The following GARNL3 variants were observed in gnomAD, a reference collection of about 807,000 sequenced individuals.
The protein encoded by GARNL3 is GTPase-activating Rap/Ran-GAP domain-like protein 3.
In GARNL3, 63 loss-of-function variants were observed where a neutral mutation model predicts 125.0. That is an observed-to-expected ratio of 0.50 (90% CI 0.41 to 0.62). The LOEUF (loss-of-function observed/expected upper bound fraction) is 0.62. Among genes scored for constraint, GARNL3 ranks in the 20% least tolerant of loss-of-function variants. GARNL3 has a pLI of 0.00. For missense variants in GARNL3, 994 were observed against 1,244.0 expected, an observed-to-expected ratio of 0.80 and a Z score of 3.02; for synonymous variants, 439 against 457.5, an observed-to-expected ratio of 0.96 and a Z score of 0.52.
chr9:127,382,126 C>G (rs1832295202), intron 22 of GARNL3, among the ~76,000 whole-genome samples: 1 of 151,806 alleles, frequency 6.6e-6, no homozygotes. Context: ...ATGGAGAAAC[C>G]CCACCTCTAC....
chr9:127,289,095 A>C (rs759715461), intron 1 of GARNL3, among the ~76,000 whole-genome samples: 2 of 152,218 alleles, frequency 1.3e-5, no homozygotes, highest in Non-Finnish European at 2.9e-5. Context: ...GTGAGTAGAA[A>C]CCCACAAAGA....
intron 13 of GARNL3, among the ~76,000 whole-genome samples, chr9:127,341,148 C>G (rs989287405): frequency 6.6e-6 from 1 of 152,222 alleles, no homozygotes; most frequent in African/African-American, 2.4e-5. Flanking sequence ...TACCAGGGTC[C>G]ATGGGTGATG....
intron 2 of GARNL3, among the ~76,000 whole-genome samples, chr9:127,303,101 A>G (rs2064849262): frequency 6.6e-6 from 1 of 152,196 alleles, no homozygotes; most frequent in Non-Finnish European, 1.5e-5. Flanking sequence ...CAGTGAGCCA[A>G]GATGGCACCA....
In GARNL3 at chr9:127,313,522, G is replaced by A; in HGVS notation, c.401G>A (p.Arg134His). Residue 134 changes from arginine (R) to histidine (H), a missense_variant, in exon 4 of 28, where the codon CGT (arginine) becomes CAT (histidine). Arg to His is a conservative substitution (Grantham distance 29). Around this residue, in one of 5 missense-constraint regions of GARNL3, gnomAD observed 139 missense variants for 231.6 expected, o/e 0.60. Coordinates refer to ENST00000373387, the MANE Select transcript of GARNL3 (RefSeq NM_032293.5). ...SVTLSDQNNQ[R>H]VPQYRAILWR... ...ACCCTTTCTGACCAAAACAATCAAC[G>A]TGTCCCTCAATACCGTGCAATTCTT... 5 of 1,613,902 alleles carry A rather than the reference G, an allele frequency of 3.1e-6. No homozygotes were observed. Among genetic ancestry groups the A allele is most frequent in the Non-Finnish European group, 4.2e-6 (5 of 1,179,838 alleles).
intron 1 of GARNL3, among the ~76,000 whole-genome samples, chr9:127,269,458 G>A (rs2063770565): frequency 6.6e-6 from 1 of 152,216 alleles, no homozygotes; most frequent in Admixed American, 6.5e-5. Flanking sequence ...CGGATCATAA[G>A]GTGATTCTGT....
chr9:127,389,639 C>T (rs371295367), intron 26 of GARNL3, among the ~76,000 whole-genome samples: 1 of 152,234 alleles, frequency 6.6e-6, no homozygotes, highest in South Asian at 2.1e-4. Context: ...CTCAGTATAA[C>T]TATGGGACTG....
chr9:127,287,752 G>C (rs2064293456), intron 1 of GARNL3, among the ~76,000 whole-genome samples: 1 of 152,238 alleles, frequency 6.6e-6, no homozygotes, highest in Non-Finnish European at 1.5e-5. Flanking sequence ...GTGTGAACCT[G>C]CATGGTTTGA....
chr9:127,330,784 G>C (rs1829188293), intron 7 of GARNL3, among the ~76,000 whole-genome samples: 2 of 152,196 alleles, frequency 1.3e-5, no homozygotes, highest in South Asian at 4.1e-4. Context: ...GTCATCCCCG[G>C]AACTGTGGAA....
chr9:127,258,106 C>T (rs890371505), intron 2 of GARNL3, among the ~76,000 whole-genome samples: 47 of 152,016 alleles, frequency 3.1e-4, no homozygotes, highest in African/African-American at 1.1e-3. Context: ...AGTATCTAAC[C>T]ACTTTATGGT....
At chr9:127,344,162 G>T (rs1564160722) in intron 14 of GARNL3, 73 bp from the exon 15 acceptor site, 15 of 972,868 alleles carry the variant, frequency 1.5e-5, no homozygotes, top group Non-Finnish European at 1.3e-5. Context: ...AAATAGTTTT[G>T]TGCACTATGA....
upstream of GARNL3, chr9:127,264,282 T>C (rs1021123216): frequency 7.6e-6 from 2 of 264,718 alleles, no homozygotes; most frequent in Non-Finnish European, 1.4e-5. Context: ...TTTTAATTAC[T>C]CTTCAACAAC....
Position 127,266,288 on chromosome 9 carries a change from C to G in GARNL3, c.144+1267C>G, listed in dbSNP as rs2063704566. ...GTCTCAGAGACACACCATGGAAGAC[C>G]TTGCAGAGAGCTGTGGGATGTGGAT... On this transcript the variant is annotated intron_variant, in intron 1 of 27. Transcript: ENST00000373387. This position sits in a 1 kb window ranked among gnomAD's most constrained non-coding sequence, Gnocchi z 4.0. 6.6e-6 allele frequency among the ~76,000 whole-genome samples: 1 copy of G among 152,178 alleles called. No individual in the cohort carries two copies. The highest frequency in any genetic ancestry group is 1.5e-5 in the Non-Finnish European group (1 of 68,042).
At chr9:127,277,949 G>C (rs7855548) in intron 1 of GARNL3, among the ~76,000 whole-genome samples, 4,533 of 152,180 alleles carry the variant, frequency 0.03, 210 homozygotes, top group African/African-American at 0.1. Context: ...TGGTGCTTTT[G>C]TTATTGTATC....
At chr9:127,382,671 G>C (rs1465028862) in intron 22 of GARNL3, among the ~76,000 whole-genome samples, 3 of 151,978 alleles carry the variant, frequency 2.0e-5, no homozygotes, top group Non-Finnish European at 4.4e-5. Context: ...TAATAAATGG[G>C]GCCTTTGTTT....
Position 127,385,208 on chromosome 9 carries a change from G to C in GARNL3, c.2388+63G>C. 1 of 1,005,754 alleles carries C rather than the reference G, an allele frequency of 9.9e-7. No homozygotes were observed. The highest frequency in any genetic ancestry group is 1.5e-6 in the Non-Finnish European group (1 of 676,330). 62.3% of individuals were successfully genotyped at this position (1,005,754 alleles called of 1,614,324 possible). A position where few individuals can be genotyped will look rare whatever the true frequency, so the allele number is the denominator to read the frequency against. On this transcript the variant is annotated intron_variant, in intron 24 of 27. Transcript: ENST00000373387. The surrounding 1 kb of genome is among the most constrained non-coding windows in gnomAD (Gnocchi z 4.1). ...GGGACCCCGGCACTGTGGGATTTCAGGTGAGCACAGAAGCCGCCTCTTGTC... is the reference window on the plus strand; with the variant it reads ...GGGACCCCGGCACTGTGGGATTTCACGTGAGCACAGAAGCCGCCTCTTGTC...
At chr9:127,256,433 T>A (rs1004506376) in intron 2 of GARNL3, among the ~76,000 whole-genome samples, 7 of 152,168 alleles carry the variant, frequency 4.6e-5, no homozygotes, top group African/African-American at 1.7e-4. Context: ...AGAGGCTGTT[T>A]TACAGTTTGC....
rs544166013 is a variant in GARNL3 at position 127,384,125 on chromosome 9, A to T, written c.2269+580A>T. Among the ~76,000 whole-genome samples the T allele has an allele frequency of 6.6e-6, 1 of 152,348 alleles. No homozygotes were observed. The highest frequency in any genetic ancestry group is 2.4e-5 in the African/African-American group (1 of 41,576). ...AATAAAACTGTGTGTTAATAGGTCC[A>T]CAGGACAGCATTTTGAGAGGAAGGC... is the stretch of plus-strand genomic sequence containing the variant. On this transcript the variant is annotated intron_variant, in intron 23 of 27. Coordinates refer to ENST00000373387, the MANE Select transcript of GARNL3 (RefSeq NM_032293.5). This position sits in a 1 kb window ranked among gnomAD's most constrained non-coding sequence, Gnocchi z 4.0.
chr9:127,254,794 A>T (rs1352733645), intron 2 of GARNL3, among the ~76,000 whole-genome samples: 2 of 152,086 alleles, frequency 1.3e-5, no homozygotes, highest in Non-Finnish European at 2.9e-5. Context: ...CTACCAATTA[A>T]TTGGAAAAAG....
chr9:127,353,873 A>G lies in GARNL3; in HGVS notation c.1571A>G (p.Asp524Gly), dbSNP rs375608615. ...GACCTTCCATCAGTGCCCGTGTTTG[A>G]CAGAACTCTGCCAGTGAAGCAAATG... Reference protein sequence around the residue: ...DDDLPSVPVFDRTLPVKQMHV... With the variant: ...DDDLPSVPVFGRTLPVKQMHV... Residue 524 changes from aspartate (D) to glycine (G), a missense_variant, in exon 18 of 28, where the codon GAC becomes GGC. Asp to Gly is a moderately conservative substitution (Grantham distance 94, BLOSUM62 -1). Around this residue, in one of 5 missense-constraint regions of GARNL3, gnomAD observed 728 missense variants for 865.7 expected, o/e 0.84. Transcript: ENST00000373387. 28 of 1,613,550 alleles carry G rather than the reference A, an allele frequency of 1.7e-5. No homozygotes were observed. Among genetic ancestry groups the G allele is most frequent in the Non-Finnish European group, 2.3e-5 (27 of 1,179,616 alleles).
Sources: allele counts gnomAD v4.1 joint callset (sites outside exome capture counted in the v4.1 genomes callset), GRCh38; gene constraint gnomAD v4.1.1; regional missense constraint gnomAD v4.1.1; non-coding constraint Gnocchi (gnomAD v3.1); transcripts MANE v1.5; gene names NCBI Gene and HGNC (gene_info 2026-07-23, HGNC 2026-07-21).